SAXO1: variants seen among roughly 807,000 people sequenced by gnomAD.
The protein encoded by SAXO1 is stabilizer of axonemal microtubules 1, also known as 4930500O09Rik.
A neutral mutation model predicts 17.5 loss-of-function variants in SAXO1; 21 were observed. The observed-to-expected ratio is 1.20, with a 90% CI of 0.85 to 1.72. The LOEUF (loss-of-function observed/expected upper bound fraction) is 1.72. SAXO1 is among the 40% of genes most tolerant of loss of function. The probability of loss-of-function intolerance (pLI) is 0.00; values close to 1 mark genes in which losing one functional copy is unlikely to be tolerated. For missense variants in SAXO1, 843 were observed against 596.0 expected, an observed-to-expected ratio of 1.41 and a Z score of -4.32; for synonymous variants, 274 against 216.5, an observed-to-expected ratio of 1.27 and a Z score of -2.33.
chr9:19,014,092 T>C (rs1272895286), intron 1 of SAXO1, among the ~76,000 whole-genome samples: 4 of 152,086 alleles, frequency 2.6e-5, no homozygotes, highest in African/African-American at 9.7e-5. Context: ...GAGGAATGGC[T>C]GGAAAGGTAG....
chr9:18,969,130 G>C (rs545462968), intron 1 of SAXO1, among the ~76,000 whole-genome samples: 1 of 152,022 alleles, frequency 6.6e-6, no homozygotes, highest in African/African-American at 2.4e-5. Context: ...TGAAACAAGC[G>C]CGTATCTGCT....
chr9:19,023,891 C>T lies in SAXO1; in HGVS notation c.38+8980G>A, dbSNP rs754183699. 5.0e-4 allele frequency among the ~76,000 whole-genome samples: 76 copies of T among 151,724 alleles called. 1 individual carries two copies. Among genetic ancestry groups the T allele is most frequent in the Non-Finnish European group, 9.0e-4 (61 of 67,988 alleles). ...CAGGCACAGTAGCTCCTCACACCAG[C>T]ACTTTGGGAGTCCGAGGTGGGAAGA... On this transcript the variant is annotated intron_variant, in intron 1 of 3. Coordinates refer to ENST00000380534, the MANE Select transcript of SAXO1 (RefSeq NM_153707.4).
intron 1 of SAXO1, among the ~76,000 whole-genome samples, chr9:18,978,288 G>C (rs766894930): frequency 6.6e-6 from 1 of 152,048 alleles, no homozygotes; most frequent in African/African-American, 2.4e-5. Flanking sequence ...CTCCTAGCAC[G>C]CTTCCCAAAG....
At chr9:18,997,958 G>T (rs1482311689) in intron 1 of SAXO1, among the ~76,000 whole-genome samples, 1 of 152,190 alleles carries the variant, frequency 6.6e-6, no homozygotes, top group Non-Finnish European at 1.5e-5. Context: ...AACCCCATCT[G>T]TAGGTCACCA....
intron 1 of SAXO1, among the ~76,000 whole-genome samples, chr9:18,984,840 G>C (rs989198249): frequency 2.0e-5 from 3 of 152,128 alleles, no homozygotes; most frequent in Non-Finnish European, 2.9e-5. Context: ...TTCACAGCTT[G>C]GCTGTTTGGC....
chr9:19,048,096 CAGTAGGAATTAAAAT>C (rs999154296), intron 1 of SAXO1, among the ~76,000 whole-genome samples: 1 of 152,192 alleles, frequency 6.6e-6, no homozygotes, highest in Non-Finnish European at 1.5e-5. Context: ...CACACGTTAA[CAGTAGGAATTAAAAT>C]ATTTTTTGAA....
intron 1 of SAXO1, among the ~76,000 whole-genome samples, chr9:18,999,290 G>A (rs1048198751): frequency 2.0e-5 from 3 of 151,302 alleles, no homozygotes; most frequent in Non-Finnish European, 3.0e-5. Flanking sequence ...TCTGCCCAGC[G>A]ACCGCCCTGT....
chr9:19,046,978 G>A (rs1246398972), intron 1 of SAXO1, among the ~76,000 whole-genome samples: 1 of 152,228 alleles, frequency 6.6e-6, no homozygotes, highest in Admixed American at 6.5e-5. Flanking sequence ...CTTAAGACCA[G>A]CAGTTTGAGA....
At chr9:18,967,386 GA>G (rs1482037014) in intron 1 of SAXO1, among the ~76,000 whole-genome samples, 1 of 143,370 alleles carries the variant, frequency 7.0e-6, no homozygotes, top group East Asian at 1.9e-4. Flanking sequence ...AGGGAGATGG[GA>G]GTTTTATCTA....
At chr9:19,019,228 C>T (rs761909197) in intron 1 of SAXO1, among the ~76,000 whole-genome samples, 1 of 152,182 alleles carries the variant, frequency 6.6e-6, no homozygotes, top group Admixed American at 6.5e-5. Context: ...CCTTTCAAGT[C>T]CGATGATCAT....
intron 1 of SAXO1, among the ~76,000 whole-genome samples, chr9:18,969,873 A>G (rs1444350511): frequency 6.6e-6 from 1 of 152,252 alleles, no homozygotes. Flanking sequence ...CAATGGGGTT[A>G]AGAACCTGCT....
intron 1 of SAXO1, among the ~76,000 whole-genome samples, chr9:18,957,737 C>G (rs751433071): frequency 3.9e-5 from 6 of 152,086 alleles, no homozygotes; most frequent in Non-Finnish European, 5.9e-5. Context: ...ACAGGCAAGG[C>G]CTTCTCAAAG....
At chr9:19,014,647 C>A (rs7030400) in intron 1 of SAXO1, among the ~76,000 whole-genome samples, 23,325 of 151,954 alleles carry the variant, frequency 0.15, 2,408 homozygotes, top group African/African-American at 0.3. Flanking sequence ...CTACAAGATG[C>A]TTTGTCAGTG....
chr9:19,028,273 G>A (rs1258307193), intron 1 of SAXO1: 2 of 642,882 alleles, frequency 3.1e-6, no homozygotes, highest in African/African-American at 1.8e-5. Context: ...CTGCTCGGGA[G>A]GCTGAGGCAG....
chr9:18,935,443 G>T (rs910328233), intron 3 of SAXO1, among the ~76,000 whole-genome samples: 1 of 152,150 alleles, frequency 6.6e-6, no homozygotes, highest in African/African-American at 2.4e-5. Context: ...AACTAGGGAT[G>T]ATTAGGGATG....
chr9:18,953,522 A>T (rs563539169), intron 1 of SAXO1, among the ~76,000 whole-genome samples: 2 of 152,352 alleles, frequency 1.3e-5, no homozygotes, highest in African/African-American at 2.4e-5. Context: ...TTGCTGGTTA[A>T]CTGAAACCTT....
At chr9:18,954,903 G>A (rs1268597186) in intron 1 of SAXO1, among the ~76,000 whole-genome samples, 1 of 132,188 alleles carries the variant, frequency 7.6e-6, no homozygotes, top group East Asian at 2.1e-4. Flanking sequence ...CTGGTACACA[G>A]GTAAGAAAAA....
At chr9:19,027,418 A>C in intron 1 of SAXO1, 1 of 756,532 alleles carries the variant, frequency 1.3e-6, no homozygotes, top group Non-Finnish European at 2.4e-6. Context: ...GGGCTTGGAC[A>C]AGCAGATCCA....
intron 1 of SAXO1, among the ~76,000 whole-genome samples, chr9:18,991,789 C>T (rs1458770169): frequency 6.6e-6 from 1 of 152,114 alleles, no homozygotes; most frequent in African/African-American, 2.4e-5. Flanking sequence ...TCTCCTACCC[C>T]CACCTGCCAG....
Sources: gnomAD v4.1 joint callset for allele counts (sites outside exome capture counted in the v4.1 genomes callset) on GRCh38, gnomAD v4.1.1 for gene constraint, MANE v1.5 for transcripts, NCBI Gene and HGNC (gene_info 2026-07-23, HGNC 2026-07-21) for gene names.